The following GPAT4 variants were observed in gnomAD, a reference collection of about 807,000 sequenced individuals.
GPAT4 encodes the protein 1-AGP acyltransferase 6.
GPAT4 carries 17 observed loss-of-function variants against 58.0 expected under a neutral mutation model. The observed-to-expected ratio is 0.29, with a 90% CI of 0.20 to 0.44. The LOEUF (loss-of-function observed/expected upper bound fraction) is 0.44. Ranked by LOEUF, GPAT4 falls within the 20% of genes least tolerant of loss-of-function variation. The pLI is 1.00. For missense variants in GPAT4, 377 were observed against 574.5 expected (o/e 0.66, Z 3.51); for synonymous variants, 204 against 210.1 (o/e 0.97, Z 0.25).
At chr8:41,612,990 G>C in intron 8 of GPAT4, 30 bp downstream of exon 8, 1 of 1,595,580 alleles carries the variant, frequency 6.3e-7, no homozygotes, top group Non-Finnish European at 8.6e-7. Context: ...TGTTCTGCTT[G>C]GCCAGTTAGA....
At chr8:41,618,275 G>C (rs1231259757) in intron 10 of GPAT4, among the ~76,000 whole-genome samples, 1 of 152,186 alleles carries the variant, frequency 6.6e-6, no homozygotes, top group Non-Finnish European at 1.5e-5. Context: ...GATGCTGAGA[G>C]GGGACAGGTG....
chr8:41,594,405 GT>G (rs960612408), intron 1 of GPAT4, among the ~76,000 whole-genome samples: 2 of 151,776 alleles, frequency 1.3e-5, no homozygotes, highest in African/African-American at 4.8e-5. Context: ...CACATAAACT[GT>G]TTTTTTAAAT....
chr8:41,619,398 G>A lies in GPAT4; in HGVS notation c.1262+421G>A, dbSNP rs181494449. The A allele has an allele frequency of 4.0e-5, 8 of 197,928 alleles. No homozygotes were observed. The Admixed American group carries it at 4.2e-4, about 10-fold the overall frequency. The allele number at this position is 197,928 out of a possible 1,614,324, so 12.3% of individuals were successfully genotyped here. A position where few individuals can be genotyped will look rare whatever the true frequency, so the allele number is the denominator to read the frequency against. ...TTCAGCTTGTTACCTAATAGAGCAG[G>A]ATTGACATACTTTTTCTGTAGTCAG... On this transcript the variant is annotated intron_variant, in intron 12 of 12. Coordinates refer to ENST00000396987, the MANE Select transcript of GPAT4 (RefSeq NM_178819.4).
Position 41,614,368 on chromosome 8 carries a change from T to TA in GPAT4, c.912-17dup. On this transcript the variant is annotated splice_polypyrimidine_tract_variant and intron_variant, in intron 8 of 12. Transcript: ENST00000396987. ...TATAAGGTTGTCTGACCCTTTATTT[T>TA]ATTTTCTTCTTTGAAAGACTGACTG... is the stretch of plus-strand genomic sequence containing the variant. The TA allele has an allele frequency of 6.2e-7, 1 of 1,611,566 alleles. No homozygotes were observed. The highest frequency in any genetic ancestry group is 8.5e-7 in the Non-Finnish European group (1 of 1,178,430).
intron 1 of GPAT4, among the ~76,000 whole-genome samples, chr8:41,597,502 A>G (rs1335613142): frequency 6.6e-6 from 1 of 152,242 alleles, no homozygotes; most frequent in Non-Finnish European, 1.5e-5. Context: ...AAATATGGCA[A>G]GGTCTTGCAA....
chr8:41,610,773 G>T lies in GPAT4; in HGVS notation c.574G>T (p.Val192Leu). The stretch of plus-strand genomic sequence containing the variant: ...TTTCACAGGGATTAGCCTTCTGGTG[G>T]TGGGCACAACTGTGGTGGGATACTT... ...LAFTGISLLV[V>L]GTTVVGYLPN... Residue 192 changes from valine to leucine, a missense_variant, in exon 5 of 13, where the codon GTG becomes TTG. Physicochemically the swap from Val to Leu is conservative, Grantham distance 32. Coordinates refer to ENST00000396987, the MANE Select transcript of GPAT4 (RefSeq NM_178819.4). The T allele has an allele frequency of 6.2e-7, 1 of 1,612,454 alleles. No homozygotes were observed. Among genetic ancestry groups the T allele is most frequent in the Non-Finnish European group, 8.5e-7 (1 of 1,179,176 alleles).
In GPAT4 at chr8:41,609,647, T is replaced by G; in HGVS notation, c.236-8T>G. ...CGTGCTGCTTGACAGGGACACATTC[T>G]TTTGCAGGAATCATTGCAAAGGATC... On this transcript the variant is annotated splice_region_variant and splice_polypyrimidine_tract_variant and intron_variant, in intron 3 of 12. Transcript: ENST00000396987. The G allele has an allele frequency of 6.2e-7, 1 of 1,609,976 alleles. No individual in the cohort carries two copies. Among genetic ancestry groups the G allele is most frequent in the Non-Finnish European group, 8.5e-7 (1 of 1,177,164 alleles).
At chr8:41,593,368 T>C (rs532423273) in intron 1 of GPAT4, among the ~76,000 whole-genome samples, 5 of 152,294 alleles carry the variant, frequency 3.3e-5, no homozygotes, top group South Asian at 4.2e-4. Context: ...ATAATAACTA[T>C]AGAACAAAAA....
At chr8:41,612,981 G>A (rs774741159) in intron 8 of GPAT4, 21 bp downstream of exon 8, 1 of 1,605,520 alleles carries the variant, frequency 6.2e-7, no homozygotes, top group Non-Finnish European at 8.5e-7. Flanking sequence ...GAACACTGCT[G>A]TTCTGCTTGG....
At chr8:41,609,573 A>G (rs1803380421) in intron 3 of GPAT4, 82 bp from the exon 4 acceptor site, 2 of 1,602,762 alleles carry the variant, frequency 1.2e-6, no homozygotes, top group Admixed American at 3.3e-5. Flanking sequence ...TCTTCCCTGC[A>G]TTAGTGCAGG....
intron 6 of GPAT4, 21 bp from the exon 7 acceptor site, chr8:41,612,159 T>G (rs1803464584): frequency 6.2e-7 from 1 of 1,613,800 alleles, no homozygotes. Flanking sequence ...TTTGGTTGCT[T>G]TGCATACATT....
chr8:41,587,549 A>G (rs948292025), intron 1 of GPAT4, among the ~76,000 whole-genome samples: 3 of 152,168 alleles, frequency 2.0e-5, no homozygotes, highest in South Asian at 2.1e-4. Flanking sequence ...CTTCTGCACT[A>G]CTGACATTTG....
intron 9 of GPAT4, 129 bp from the exon 10 acceptor site, chr8:41,614,834 A>T (rs912581853): frequency 1.4e-6 from 1 of 732,866 alleles, no homozygotes; most frequent in Non-Finnish European, 2.3e-6. Context: ...AGTTAGGGAG[A>T]TGACAGATGT....
At chr8:41,608,846 G>A (rs984156916) in intron 2 of GPAT4, among the ~76,000 whole-genome samples, 1 of 151,764 alleles carries the variant, frequency 6.6e-6, no homozygotes, top group African/African-American at 2.4e-5. Context: ...TCCTAATAGT[G>A]TTCTTTTTTT....
chr8:41,585,604 T>G (rs1343273311), intron 1 of GPAT4, among the ~76,000 whole-genome samples: 1 of 152,230 alleles, frequency 6.6e-6, no homozygotes, highest in African/African-American at 2.4e-5. Context: ...AGGCATCATG[T>G]TCAGTCTTGA....
intron 12 of GPAT4, chr8:41,619,334 T>A: frequency 3.4e-6 from 1 of 297,660 alleles, no homozygotes; most frequent in Non-Finnish European, 6.4e-6. Flanking sequence ...CTGGCAAAAT[T>A]GAACCATTCT....
intron 1 of GPAT4, among the ~76,000 whole-genome samples, chr8:41,595,613 A>G (rs146108386): frequency 2.2e-3 from 338 of 152,274 alleles, no homozygotes; most frequent in African/African-American, 6.0e-3. Flanking sequence ...AAGACCTTCA[A>G]TTATCAATTA....
Position 41,607,457 on chromosome 8 carries a change from G to T in GPAT4, c.166-1959G>T, listed in dbSNP as rs574661514. 3.3e-5 allele frequency among the ~76,000 whole-genome samples: 5 copies of T among 152,154 alleles called. No individual in the cohort carries two copies. The South Asian group carries it at 1.0e-3, about 32-fold the overall frequency. ...AATCCTCAGACTGAAATTGTCATCT[G>T]AGAGGCCTTATGTCATATATTCTCT... On this transcript the variant is annotated intron_variant, in intron 2 of 12. Transcript: ENST00000396987.
intron 7 of GPAT4, among the ~76,000 whole-genome samples, 162 bp downstream of exon 7, chr8:41,612,435 C>T (rs1803472035): frequency 6.6e-6 from 1 of 152,088 alleles, no homozygotes; most frequent in South Asian, 2.1e-4. Flanking sequence ...TAGGAGATAC[C>T]CTGGGCAGAG....
Sources: allele counts gnomAD v4.1 joint callset (sites outside exome capture counted in the v4.1 genomes callset), GRCh38; gene constraint gnomAD v4.1.1; transcripts MANE v1.5; gene names NCBI Gene and HGNC (gene_info 2026-07-23, HGNC 2026-07-21).